The following MTDH variants were observed in gnomAD, a reference collection of about 807,000 sequenced individuals.
The protein encoded by MTDH is metadherin.
MTDH carries 34 observed loss-of-function variants against 72.7 expected under a neutral mutation model. The observed-to-expected ratio is 0.47, with a 90% confidence interval of 0.36 to 0.62. MTDH has a LOEUF of 0.62. MTDH is among the 20% of genes least tolerant of loss of function. The pLI, the probability that MTDH is intolerant of heterozygous loss-of-function variation, is 0.00. For synonymous variants in MTDH, 266 were observed against 268.9 expected (o/e 0.99, Z 0.10); for missense variants, 677 against 699.4 (o/e 0.97, Z 0.36).
At chr8:97,722,754 AT>A in intron 10 of MTDH, 124 bp from the exon 11 acceptor site, 1 of 883,148 alleles carries the variant, frequency 1.1e-6, no homozygotes, top group Non-Finnish European at 1.7e-6. Flanking sequence ...TATGAGTTAC[AT>A]TGTTTATCTG....
rs1048990481 is a variant in MTDH at position 97,730,218 on chromosome 8, A to G, written c.*5548A>G. Among the ~76,000 whole-genome samples the G allele has an allele frequency of 2.4e-4, 37 of 152,190 alleles. No homozygotes were observed. Among genetic ancestry groups the G allele is most frequent in the African/African-American group, 8.0e-4 (33 of 41,450 alleles). ...AAATGAATATATGTAACATGTACCT[A>G]AGTTTTAAAAGCATAATAAAATGAA... On this transcript the variant is annotated 3_prime_UTR_variant, in exon 12 of 12. Coordinates refer to ENST00000336273, the MANE Select transcript of MTDH (RefSeq NM_178812.4).
chr8:97,686,208 T>A lies in MTDH; in HGVS notation c.484-460T>A, dbSNP rs144869773. 1.0e-3 allele frequency among the ~76,000 whole-genome samples: 154 copies of A among 152,296 alleles called. 2 individuals are homozygous for A. In the East Asian group the frequency reaches 0.029, roughly 28 times the overall value. ...TTTCATCTGAATATGTTGCAATAGGTTTTAATTTTATTGCTTTGAAAACAC... is the reference window on the plus strand; with the variant it reads ...TTTCATCTGAATATGTTGCAATAGGATTTAATTTTATTGCTTTGAAAACAC... On this transcript the variant is annotated intron_variant, in intron 2 of 11. Coordinates refer to ENST00000336273, the MANE Select transcript of MTDH (RefSeq NM_178812.4).
intron 8 of MTDH, among the ~76,000 whole-genome samples, chr8:97,709,728 A>G (rs150705989): frequency 1.3e-5 from 2 of 152,370 alleles, no homozygotes; most frequent in East Asian, 3.9e-4. Context: ...TTGATTGGAT[A>G]GACACAGAAG....
At chr8:97,720,260 G>T (rs914362036) in intron 10 of MTDH, among the ~76,000 whole-genome samples, 8 of 152,008 alleles carry the variant, frequency 5.3e-5, no homozygotes, top group Non-Finnish European at 1.2e-4. Context: ...ACTCCAGCCT[G>T]GGCAACAAAG....
intron 2 of MTDH, among the ~76,000 whole-genome samples, chr8:97,684,295 T>TA (rs773043029): frequency 1.3e-4 from 20 of 152,312 alleles, no homozygotes; most frequent in Non-Finnish European, 2.1e-4. Context: ...GTATTATAGA[T>TA]ACGTTGTGTT....
In MTDH at chr8:97,722,963, G is replaced by A. The variant is rs1478172987; in HGVS notation, c.1606G>A (p.Val536Met). The A allele has an allele frequency of 1.2e-6, 2 of 1,613,948 alleles. No individual in the cohort carries two copies. The highest frequency in any genetic ancestry group is 1.7e-6 in the Non-Finnish European group (2 of 1,179,990). Residue 536 changes from valine to methionine, a missense_variant, in exon 11 of 12, where the codon GTG (valine) becomes ATG (methionine). Around this residue, in one of 3 missense-constraint regions of MTDH, gnomAD observed 201 missense variants for 204.5 expected, o/e 0.98. Coordinates refer to ENST00000336273, the MANE Select transcript of MTDH (RefSeq NM_178812.4). ...TGATTCTGACAAGAGCTCTTCCCAAGTGCCGCCAATACTACAAGAGACAGA... is the reference window on the plus strand; with the variant it reads ...TGATTCTGACAAGAGCTCTTCCCAAATGCCGCCAATACTACAAGAGACAGA... ...KSDSDKSSSQVPPILQETDKS... is the reference protein window; with the variant it reads ...KSDSDKSSSQMPPILQETDKS...
intron 6 of MTDH, among the ~76,000 whole-genome samples, chr8:97,697,119 CAA>C (rs1176302781): frequency 7.9e-5 from 5 of 63,078 alleles, no homozygotes; most frequent in Admixed American, 1.8e-4. Flanking sequence ...CTCTGTCTCA[CAA>C]AAAAAAAAAT....
At chr8:97,724,533 A>T (rs766264640) in intron 11 of MTDH, 67 bp from the exon 12 acceptor site, 2 of 1,060,106 alleles carry the variant, frequency 1.9e-6, no homozygotes, top group African/African-American at 3.2e-5. Context: ...CTTTTATATT[A>T]TTGAGACGTA....
At chr8:97,694,272 A>G (rs895065555) in intron 6 of MTDH, among the ~76,000 whole-genome samples, 2 of 150,984 alleles carry the variant, frequency 1.3e-5, no homozygotes, top group Non-Finnish European at 1.5e-5. Flanking sequence ...ATCTCGGCTC[A>G]CCACAACCAC....
intron 1 of MTDH, among the ~76,000 whole-genome samples, chr8:97,650,648 T>A (rs1811735681): frequency 1.3e-5 from 2 of 152,188 alleles, no homozygotes; most frequent in Non-Finnish European, 2.9e-5. Flanking sequence ...CTTCCCTAGC[T>A]CCTCAGCTAG....
intron 6 of MTDH, among the ~76,000 whole-genome samples, chr8:97,694,101 C>T (rs146426251): frequency 1.3e-5 from 2 of 152,188 alleles, no homozygotes; most frequent in African/African-American, 4.8e-5. Context: ...ATATTTTTAT[C>T]TGCTCTAATT....
rs377675422 is a variant in MTDH, at chr8:97,719,233, G to A, written c.1521+44G>A. 2.9e-5 allele frequency: 46 copies of A among 1,590,856 alleles called. No individual in the cohort carries two copies. In the South Asian group the frequency reaches 3.8e-4, roughly 13 times the overall value. The stretch of plus-strand genomic sequence containing the variant: ...AAAGTTGCCGGGCGCAGTGGCTTAC[G>A]CCTGTAATCCCAGCACTTTGAGAGG... On this transcript the variant is annotated intron_variant, in intron 10 of 11. Transcript: ENST00000336273.
chr8:97,660,405 G>A (rs1243914908), intron 1 of MTDH, among the ~76,000 whole-genome samples: 2 of 152,110 alleles, frequency 1.3e-5, no homozygotes, highest in African/African-American at 2.4e-5. Flanking sequence ...ATTTGTTTAT[G>A]TATCATCTAT....
chr8:97,683,066 T>C (rs1296045301), intron 2 of MTDH, among the ~76,000 whole-genome samples: 2 of 120,840 alleles, frequency 1.7e-5, no homozygotes, highest in African/African-American at 3.2e-5. Context: ...TTTTTTTTTT[T>C]TTTTTTTTTT....
chr8:97,659,286 A>G (rs148384114), intron 1 of MTDH, among the ~76,000 whole-genome samples: 76 of 143,750 alleles, frequency 5.3e-4, no homozygotes, highest in African/African-American at 1.8e-3. Context: ...TCCTTCCCCC[A>G]TATGCATAAA....
intron 7 of MTDH, among the ~76,000 whole-genome samples, chr8:97,704,641 AT>A (rs1325368975): frequency 6.6e-6 from 1 of 151,776 alleles, no homozygotes; most frequent in Non-Finnish European, 1.5e-5. Context: ...TATTATATAC[AT>A]ATAATGTTTT....
chr8:97,680,693 GA>G (rs1362988704), intron 2 of MTDH, among the ~76,000 whole-genome samples: 2 of 152,152 alleles, frequency 1.3e-5, no homozygotes, highest in Admixed American at 1.3e-4. Flanking sequence ...GATTTTTTGA[GA>G]TGACTTCTGA....
At chr8:97,663,167 G>T (rs1812241636) in intron 2 of MTDH, among the ~76,000 whole-genome samples, 1 of 151,958 alleles carries the variant, frequency 6.6e-6, no homozygotes, top group Non-Finnish European at 1.5e-5. Flanking sequence ...TCTACTCCCT[G>T]AATTGCCCTG....
chr8:97,682,259 TATATATATATATATATATA>T (rs1813149390), intron 2 of MTDH, among the ~76,000 whole-genome samples: 5 of 7,692 alleles, frequency 6.5e-4, no homozygotes, highest in African/African-American at 1.5e-3. Flanking sequence ...TATATATATA[TATATATATATATATATATA>T]TATTTTTTTT....
Sources: allele counts gnomAD v4.1 joint callset (sites outside exome capture counted in the v4.1 genomes callset), GRCh38; gene constraint gnomAD v4.1.1; regional missense constraint gnomAD v4.1.1; transcripts MANE v1.5; gene names NCBI Gene and HGNC (gene_info 2026-07-23, HGNC 2026-07-21).